PSTPIP2: variants seen among roughly 807,000 people sequenced by gnomAD.
The protein encoded by PSTPIP2 is proline-serine-threonine phosphatase interacting protein 2.
PSTPIP2 carries 33 observed loss-of-function variants against 63.3 expected under a neutral mutation model. The ratio of observed to expected loss-of-function variants is 0.52; its 90% CI spans 0.40 to 0.70. The LOEUF (loss-of-function observed/expected upper bound fraction) is 0.70. Ranked by LOEUF, PSTPIP2 falls within the 30% of genes least tolerant of loss-of-function variation. PSTPIP2 has a pLI of 0.00. For missense variants in PSTPIP2, 312 were observed against 400.7 expected (o/e 0.78, Z 1.89); for synonymous variants, 125 against 132.7 (o/e 0.94, Z 0.40).
rs1909418416 is a variant in PSTPIP2, at chr18:46,072,156, C to G, written c.33G>C (p.Trp11Cys). Residue 11 changes from tryptophan to cysteine, a missense_variant and splice_region_variant, in exon 1 of 15, where the codon TGG becomes TGC. Coordinates refer to ENST00000409746, the MANE Select transcript of PSTPIP2 (RefSeq NM_024430.4). ...ATCCGCTGTCGGCCCCACGACTTAC[C>G]CAAAAGTTTCCCTTGAACAGTGAGC... is the stretch of plus-strand genomic sequence containing the variant. The part of the protein sequence containing the change: MTRSLFKGNF[W>C]SADILSTIGY... The G allele has an allele frequency of 6.5e-7, 1 of 1,535,696 alleles. No individual in the cohort carries two copies.
At chr18:46,039,445 A>C (rs1185287985) in intron 2 of PSTPIP2, among the ~76,000 whole-genome samples, 1 of 151,910 alleles carries the variant, frequency 6.6e-6, no homozygotes, top group Non-Finnish European at 1.5e-5. Context: ...TCCCACCTCA[A>C]GCTTGCTGTT....
intron 2 of PSTPIP2, among the ~76,000 whole-genome samples, chr18:46,024,985 A>G (rs1000795825): frequency 6.6e-6 from 1 of 152,156 alleles, no homozygotes; most frequent in Non-Finnish European, 1.5e-5. Context: ...ACCCTCCTCC[A>G]TCTTTTCTAA....
Position 46,062,782 on chromosome 18 carries a change from T to C in PSTPIP2, c.33+9374A>G, listed in dbSNP as rs1184816413. 2.0e-5 allele frequency among the ~76,000 whole-genome samples: 3 copies of C among 152,132 alleles called. No homozygotes were observed. The East Asian group carries it at 5.8e-4, about 30-fold the overall frequency. On this transcript the variant is annotated intron_variant, in intron 1 of 14. Coordinates refer to ENST00000409746, the MANE Select transcript of PSTPIP2 (RefSeq NM_024430.4). ...CACCTGCCTTGGCCTCCCAAAGTGC[T>C]GGGATTACAGGCAGGAGCCACCATC...
intron 1 of PSTPIP2, among the ~76,000 whole-genome samples, chr18:46,049,648 G>C (rs967981154): frequency 6.6e-6 from 1 of 152,154 alleles, no homozygotes; most frequent in Non-Finnish European, 1.5e-5. Context: ...TTGGGAGGCC[G>C]AAGCAGGCGG....
At chr18:46,040,687 T>C (rs1242874239) in intron 1 of PSTPIP2, among the ~76,000 whole-genome samples, 1 of 152,164 alleles carries the variant, frequency 6.6e-6, no homozygotes, top group African/African-American at 2.4e-5. Flanking sequence ...CCAAGTTCAG[T>C]AGGGTAACAC....
intron 2 of PSTPIP2, among the ~76,000 whole-genome samples, chr18:46,035,616 G>C (rs1907945363): frequency 6.6e-6 from 1 of 152,116 alleles, no homozygotes. Flanking sequence ...GGCTGAAATA[G>C]AGAGAATGGG....
At chr18:46,021,801 G>A (rs897012153) in intron 3 of PSTPIP2, among the ~76,000 whole-genome samples, 8 of 125,064 alleles carry the variant, frequency 6.4e-5, no homozygotes, top group African/African-American at 2.2e-4. Flanking sequence ...CAAAAAATTA[G>A]CCGGGCCACT....
chr18:46,043,494 A>G (rs1908269672), intron 1 of PSTPIP2, among the ~76,000 whole-genome samples: 1 of 152,202 alleles, frequency 6.6e-6, no homozygotes, highest in South Asian at 2.1e-4. Flanking sequence ...AATCATTAAG[A>G]GAATGGAATG....
At chr18:46,032,703 G>A (rs186285811) in intron 2 of PSTPIP2, among the ~76,000 whole-genome samples, 80 of 136,766 alleles carry the variant, frequency 5.8e-4, no homozygotes, top group African/African-American at 2.1e-3. Flanking sequence ...GCAGTGAGCC[G>A]AGATCATGCC....
chr18:45,996,542 G>C (rs1267385733), intron 9 of PSTPIP2, among the ~76,000 whole-genome samples: 1 of 151,800 alleles, frequency 6.6e-6, no homozygotes, highest in African/African-American at 2.4e-5. Flanking sequence ...TCCAAGTTAT[G>C]TTTTTTATTT....
At chr18:46,062,272 A>T (rs1388889745) in intron 1 of PSTPIP2, among the ~76,000 whole-genome samples, 1 of 152,098 alleles carries the variant, frequency 6.6e-6, no homozygotes, top group Non-Finnish European at 1.5e-5. Context: ...ATCTTGTTGC[A>T]TGCCTGGTGC....
At chr18:46,036,422 T>C (rs1469459441) in intron 2 of PSTPIP2, among the ~76,000 whole-genome samples, 1 of 152,196 alleles carries the variant, frequency 6.6e-6, no homozygotes, top group Admixed American at 6.5e-5. Context: ...CTAGGAAAGC[T>C]GGGCCTTGGA....
chr18:45,991,541 T>A (rs932350011), intron 12 of PSTPIP2, among the ~76,000 whole-genome samples: 1 of 152,180 alleles, frequency 6.6e-6, no homozygotes, highest in Non-Finnish European at 1.5e-5. Context: ...TTCCAGCCAT[T>A]TAAAAATGTA....
chr18:45,987,746 G>A (rs781211550), intron 14 of PSTPIP2, among the ~76,000 whole-genome samples: 5 of 152,030 alleles, frequency 3.3e-5, no homozygotes, highest in South Asian at 2.1e-4. Context: ...TTTTAGTATC[G>A]CTACTTTGGC....
chr18:46,055,811 T>C lies in PSTPIP2; in HGVS notation c.34-15764A>G, dbSNP rs187766215. On this transcript the variant is annotated intron_variant, in intron 1 of 14. Transcript: ENST00000409746. ...TGTACAATTTGGACTTTTTTATTAG[T>C]AGTAAAGTATAAAAGTTCTCCATAT... Among the ~76,000 whole-genome samples, 405 of 152,344 alleles carry C rather than the reference T, an allele frequency of 2.7e-3. 1 individual carries two copies. The highest frequency in any genetic ancestry group is 0.014 in the Middle Eastern group (4 of 294).
chr18:46,010,781 G>C (rs1439580646), intron 5 of PSTPIP2: 1 of 178,496 alleles, frequency 5.6e-6, no homozygotes, highest in African/African-American at 2.4e-5. Context: ...TGGTCTTCAG[G>C]GGGAGCGGGA....
chr18:46,000,798 A>T (rs2051656122), intron 6 of PSTPIP2, among the ~76,000 whole-genome samples: 1 of 152,264 alleles, frequency 6.6e-6, no homozygotes, highest in African/African-American at 2.4e-5. Flanking sequence ...GAATCATAAA[A>T]ATAATTTTCT....
At chr18:46,063,055 T>C (rs1340321941) in intron 1 of PSTPIP2, among the ~76,000 whole-genome samples, 1 of 152,240 alleles carries the variant, frequency 6.6e-6, no homozygotes, top group Non-Finnish European at 1.5e-5. Flanking sequence ...CAGGTTGCAG[T>C]GCAGTGGTGT....
intron 1 of PSTPIP2, among the ~76,000 whole-genome samples, chr18:46,059,236 C>T (rs542014577): frequency 1.1e-3 from 174 of 151,728 alleles, no homozygotes; most frequent in Non-Finnish European, 2.2e-3. Flanking sequence ...AGTGTTTCAA[C>T]GTGATGGCCA....
Sources: gnomAD v4.1 joint callset for allele counts (sites outside exome capture counted in the v4.1 genomes callset) on GRCh38, gnomAD v4.1.1 for gene constraint, MANE v1.5 for transcripts, NCBI Gene and HGNC (gene_info 2026-07-23, HGNC 2026-07-21) for gene names.